TCTN2: variants seen among roughly 807,000 people sequenced by gnomAD.
TCTN2 encodes the protein tectonic-2.
Under a neutral mutation model 83.4 loss-of-function variants are expected in TCTN2, and 66 were observed. That is an observed-to-expected ratio of 0.79 (90% CI 0.65 to 0.97). The LOEUF is 0.97. TCTN2 is among the 50% of genes least tolerant of loss of function. The pLI, the probability that TCTN2 is intolerant of heterozygous loss-of-function variation, is 0.00. For synonymous variants in TCTN2, 301 were observed against 326.7 expected (o/e 0.92, Z 0.85); for missense variants, 794 against 858.1 (o/e 0.93, Z 0.93).
chr12:123,677,995 C>T (rs925514314), intron 4 of TCTN2, among the ~76,000 whole-genome samples: 8 of 152,186 alleles, frequency 5.3e-5, no homozygotes, highest in African/African-American at 1.4e-4. Flanking sequence ...GTCTTCCTGA[C>T]GCCCAGCCTA....
At chr12:123,686,093 G>A (rs1955963403) in intron 5 of TCTN2, among the ~76,000 whole-genome samples, 1 of 151,584 alleles carries the variant, frequency 6.6e-6, no homozygotes, top group African/African-American at 2.4e-5. Flanking sequence ...TGTTTCCCAG[G>A]ATGGAGTGCA....
At position 123,704,597 on chromosome 12, in the gene TCTN2, A is replaced by G; in HGVS notation, c.1678A>G (p.Ile560Val). Reference sequence around the variant, plus strand: ...CAGTGTGAACGGCATGTGCCTGGATATTCCTGCTCACCTGAGCATCCGCAT... The same window carrying G: ...CAGTGTGAACGGCATGTGCCTGGATGTTCCTGCTCACCTGAGCATCCGCAT... ...ASSVNGMCLD[I>V]PAHLSIRILI... The change falls in exon 15 of 18, where the codon ATT becomes GTT. Residue 560 changes from isoleucine (I) to valine (V), a missense_variant. Transcript: ENST00000303372. The G allele has an allele frequency of 2.5e-6, 4 of 1,613,604 alleles. No individual in the cohort carries two copies. The highest frequency in any genetic ancestry group is 1.7e-5 in the Admixed American group (1 of 59,876).
intron 7 of TCTN2, among the ~76,000 whole-genome samples, chr12:123,689,204 G>A (rs2135838067): frequency 6.6e-6 from 1 of 152,116 alleles, no homozygotes; most frequent in East Asian, 1.9e-4. Flanking sequence ...TGAGACTACA[G>A]GCACATGCCA....
rs1193699938 is a variant in TCTN2 at position 123,696,490 on chromosome 12, A to T, written c.1388A>T (p.Gln463Leu). Reference protein sequence around the residue: ...MNNVTTLHLWQSAGRGLCTSA... With the variant: ...MNNVTTLHLWLSAGRGLCTSA... The stretch of plus-strand genomic sequence containing the variant: ...AATGTCACGACTTTACATCTTTGGC[A>T]ATCGGGTAATCCGGTTTGGTCATTA... The change falls in exon 12 of 18, where the codon CAA becomes CTA. Residue 463 changes from glutamine (Q) to leucine (L), a missense_variant. Transcript: ENST00000303372. The T allele has an allele frequency of 6.2e-7, 1 of 1,613,900 alleles. No individual in the cohort carries two copies. Among genetic ancestry groups the T allele is most frequent in the Admixed American group, 1.7e-5 (1 of 59,996 alleles).
chr12:123,693,662 C>T (rs1293167393), intron 9 of TCTN2, among the ~76,000 whole-genome samples: 1 of 151,446 alleles, frequency 6.6e-6, no homozygotes, highest in Non-Finnish European at 1.5e-5. Flanking sequence ...CCATGTTGGC[C>T]AGGCTGGTTT....
In TCTN2 at chr12:123,707,021, A is replaced by C; in HGVS notation, c.1932A>C (p.Arg644Ser). 6.2e-7 allele frequency: 1 copy of C among 1,614,068 alleles called. No homozygotes were observed. Among genetic ancestry groups the C allele is most frequent in the Non-Finnish European group, 8.5e-7 (1 of 1,180,028 alleles). ...QINYTEYDCN[R>S]NEVCWPQLLY... Reference sequence around the variant, plus strand: ...ATTATACAGAGTATGACTGCAACAGAAATGAGGTGTGTTGGCCGCAGCTTC... The same window carrying C: ...ATTATACAGAGTATGACTGCAACAGCAATGAGGTGTGTTGGCCGCAGCTTC... Residue 644 changes from arginine to serine, a missense_variant, in exon 17 of 18, where the codon AGA (arginine) becomes AGC (serine). Transcript: ENST00000303372.
At chr12:123,707,445 T>C (rs984015800) in intron 17 of TCTN2, among the ~76,000 whole-genome samples, 159 bp from the exon 18 acceptor site, 2 of 152,210 alleles carry the variant, frequency 1.3e-5, no homozygotes, top group Admixed American at 1.3e-4. Context: ...TTCACTGTGC[T>C]GGCCAGGCTG....
chr12:123,676,566 T>TAAAAAAAAAAAAAAAAAAAA (rs60100973), intron 4 of TCTN2, among the ~76,000 whole-genome samples: 1 of 60,698 alleles, frequency 1.6e-5, no homozygotes, highest in African/African-American at 6.3e-5. Context: ...AGACTCCATC[T>TAAAAAAAAAAAAAAAAAAAA]AAAAAAAAAA....
intron 13 of TCTN2, among the ~76,000 whole-genome samples, chr12:123,697,660 T>TG (rs1389438030): frequency 6.6e-6 from 1 of 151,756 alleles, no homozygotes; most frequent in Admixed American, 6.6e-5. Flanking sequence ...CCACCACGCC[T>TG]GCTGATTTTT....
intron 13 of TCTN2, 120 bp from the exon 14 acceptor site, chr12:123,699,584 C>G (rs557333305): frequency 2.7e-5 from 23 of 843,140 alleles, no homozygotes; most frequent in Non-Finnish European, 4.4e-5. Flanking sequence ...GTTTTTAATG[C>G]CAGTTCCTCT....
intron 5 of TCTN2, among the ~76,000 whole-genome samples, chr12:123,685,528 C>T (rs1327531669): frequency 6.6e-6 from 1 of 151,944 alleles, no homozygotes; most frequent in African/African-American, 2.4e-5. Flanking sequence ...AAGTGAGTCT[C>T]CTGCCTCAGC....
chr12:123,692,628 T>C (rs964096168), intron 8 of TCTN2, 30 bp from the exon 9 acceptor site: 17 of 1,557,230 alleles, frequency 1.1e-5, no homozygotes, highest in Non-Finnish European at 1.5e-5. Context: ...TGTGTACGCC[T>C]GTGGAAGTTA....
In TCTN2 at chr12:123,707,799, C is replaced by T; in HGVS notation, c.*86C>T. The T allele has an allele frequency of 9.7e-7, 1 of 1,036,070 alleles. No individual in the cohort carries two copies. Among genetic ancestry groups the T allele is most frequent in the Non-Finnish European group, 1.5e-6 (1 of 662,014 alleles). 64.2% of individuals were successfully genotyped at this position (1,036,070 alleles called of 1,614,324 possible). A position where few individuals can be genotyped will look rare whatever the true frequency, so the allele number is the denominator to read the frequency against. On this transcript the variant is annotated 3_prime_UTR_variant, in exon 18 of 18. Coordinates refer to ENST00000303372, the MANE Select transcript of TCTN2 (RefSeq NM_024809.5). ...TGATCTCGGCTCACCACAACCTCCT[C>T]CTCTTGGGTTCAAGCGATTCTCCTG...
At chr12:123,694,758 C>A in intron 9 of TCTN2, 84 bp from the exon 10 acceptor site, 1 of 1,500,898 alleles carries the variant, frequency 6.7e-7, no homozygotes, top group Non-Finnish European at 9.2e-7. Context: ...TTGGGGAAGG[C>A]CACGCAAGCA....
At chr12:123,698,576 T>C (rs1278177964) in intron 13 of TCTN2, among the ~76,000 whole-genome samples, 1 of 151,812 alleles carries the variant, frequency 6.6e-6, no homozygotes, top group African/African-American at 2.4e-5. Flanking sequence ...TATCTTGGAG[T>C]ACAGGTGTGT....
intron 13 of TCTN2, among the ~76,000 whole-genome samples, chr12:123,697,822 TGAAA>T (rs1956127984): frequency 6.6e-6 from 1 of 151,768 alleles, no homozygotes; most frequent in Admixed American, 6.6e-5. Context: ...CCTAGAGCTA[TGAAA>T]AAGGCCAGAG....
chr12:123,696,696 C>T, intron 12 of TCTN2: 1 of 614,336 alleles, frequency 1.6e-6, no homozygotes, highest in South Asian at 1.8e-5. Context: ...ACATTGTTTG[C>T]ACCTGAAGTG....
At chr12:123,697,593 C>T (rs531197670) in intron 13 of TCTN2, among the ~76,000 whole-genome samples, 2 of 151,996 alleles carry the variant, frequency 1.3e-5, no homozygotes, top group Non-Finnish European at 2.9e-5. Context: ...TCTGCCTCTC[C>T]GGTTCAAGCA....
chr12:123,702,991 C>T (rs1413645908), intron 14 of TCTN2, among the ~76,000 whole-genome samples: 1 of 152,138 alleles, frequency 6.6e-6, no homozygotes, highest in East Asian at 1.9e-4. Context: ...AGCCATAGAA[C>T]CTACCCTACT....
Sources: allele counts gnomAD v4.1 joint callset (sites outside exome capture counted in the v4.1 genomes callset), GRCh38; gene constraint gnomAD v4.1.1; transcripts MANE v1.5; gene names NCBI Gene and HGNC (gene_info 2026-07-23, HGNC 2026-07-21).